ADH7: variants seen among roughly 807,000 people sequenced by gnomAD.
ADH7 encodes alcohol dehydrogenase 7 (class IV), mu or sigma polypeptide, also known as all-trans-retinol dehydrogenase [NAD(+)] ADH7.
Under a neutral mutation model 34.4 loss-of-function variants are expected in ADH7, and 41 were observed. The observed-to-expected ratio is 1.19, with a 90% confidence interval of 0.93 to 1.55. The LOEUF (loss-of-function observed/expected upper bound fraction) is 1.55, where lower values mean the gene tolerates loss of function less well. Ranked by LOEUF, ADH7 falls within the 40% of genes most tolerant of loss-of-function variation. The pLI is 0.00. For synonymous variants in ADH7, 180 were observed against 160.9 expected (o/e 1.12, Z -0.90); for missense variants, 540 against 461.2 (o/e 1.17, Z -1.56).
At chr4:99,425,088 C>T (rs914761380) in intron 5 of ADH7, among the ~76,000 whole-genome samples, 3 of 151,966 alleles carry the variant, frequency 2.0e-5, no homozygotes, top group Non-Finnish European at 1.5e-5. Context: ...ACAACCGGTA[C>T]CAGCTGCTGC....
chr4:99,424,182 T>C (rs1252746070), intron 5 of ADH7, among the ~76,000 whole-genome samples: 1 of 152,260 alleles, frequency 6.6e-6, no homozygotes, highest in Non-Finnish European at 1.5e-5. Context: ...AAAGATCAGA[T>C]AGTTGTAGAT....
At position 99,425,300 on chromosome 4, in the gene ADH7, G is replaced by A. The variant is rs1045110250; in HGVS notation, c.564+2473C>T. On this transcript the variant is annotated intron_variant, in intron 5 of 8. Transcript: ENST00000437033. ...AACAGTCGAGACCCATCAGTGTGCT[G>A]TATTCAGGAGACCCATCTCACGTGC... Among the ~76,000 whole-genome samples, 21 of 152,296 alleles carry A rather than the reference G, an allele frequency of 1.4e-4. 1 individual carries two copies. The highest frequency in any genetic ancestry group is 2.4e-4 in the African/African-American group (10 of 41,574).
intron 7 of ADH7, among the ~76,000 whole-genome samples, chr4:99,416,420 T>C (rs942089431): frequency 6.6e-6 from 1 of 152,138 alleles, no homozygotes; most frequent in African/African-American, 2.4e-5. Flanking sequence ...CATTTCTCAG[T>C]CCTCCTCTTA....
intron 1 of ADH7, among the ~76,000 whole-genome samples, chr4:99,434,531 T>C (rs1017463547): frequency 6.6e-6 from 1 of 152,062 alleles, no homozygotes; most frequent in Non-Finnish European, 1.5e-5. Flanking sequence ...TAAGCAATTA[T>C]GTACCCATTT....
intron 1 of ADH7, among the ~76,000 whole-genome samples, chr4:99,434,065 T>C (rs1194385029): frequency 6.6e-6 from 1 of 152,160 alleles, no homozygotes; most frequent in Non-Finnish European, 1.5e-5. Flanking sequence ...TTATACTCTT[T>C]ATATATTATA....
chr4:99,416,261 G>C (rs1721514103), intron 7 of ADH7, among the ~76,000 whole-genome samples: 1 of 152,064 alleles, frequency 6.6e-6, no homozygotes, highest in Admixed American at 6.5e-5. Flanking sequence ...TTTACAGAAA[G>C]AATTGTCTTC....
In ADH7 at chr4:99,435,329, C is replaced by T; in HGVS notation, c.-96G>A. On this transcript the variant is annotated 5_prime_UTR_variant, in exon 1 of 9. It removes the in-frame stop codon of an upstream open reading frame in the 5' UTR. Transcript: ENST00000437033. ...TGTATATAACAGCAGCTTGTGCCTT[C>T]ACATAGATAGTCTGGCTTCAGAGTT... is the stretch of plus-strand genomic sequence containing the variant. 1 of 1,537,836 alleles carries T rather than the reference C, an allele frequency of 6.5e-7. No individual in the cohort carries two copies. The highest frequency in any genetic ancestry group is 8.9e-7 in the Non-Finnish European group (1 of 1,118,596).
At chr4:99,434,986 C>T (rs1722014278) in intron 1 of ADH7, 1 of 1,432,282 alleles carries the variant, frequency 7.0e-7, no homozygotes, top group African/African-American at 1.4e-5. Flanking sequence ...CTATTTTCCA[C>T]CAATGTCTTG....
chr4:99,415,757 T>C (rs1192012631), intron 7 of ADH7, 141 bp from the exon 8 acceptor site: 1 of 867,454 alleles, frequency 1.2e-6, no homozygotes, highest in African/African-American at 1.7e-5. Context: ...ATAAGCTGTA[T>C]TTGTCCCAGC....
chr4:99,434,060 C>G (rs765080148), intron 1 of ADH7, among the ~76,000 whole-genome samples: 1 of 152,054 alleles, frequency 6.6e-6, no homozygotes, highest in East Asian at 1.9e-4. Context: ...AACTTTTATA[C>G]TCTTTATATA....
rs748360599 is a variant in ADH7 at position 99,420,677 on chromosome 4, GTCTTT to G, written c.676_680del (p.Lys226GlnfsTer3). ...CTACAGCCATGGCCTTCTCAAATTT[GTCTTT>G]GTTGAGGTCAATCCCAATGATCCTA... On this transcript the variant is annotated frameshift_variant, in exon 6 of 9. Coordinates refer to ENST00000437033, the MANE Select transcript of ADH7 (RefSeq NM_000673.7). LOFTEE classifies it high-confidence loss of function. The G allele has an allele frequency of 1.7e-5, 28 of 1,613,802 alleles. No homozygotes were observed. Among genetic ancestry groups the G allele is most frequent in the Non-Finnish European group, 2.2e-5 (26 of 1,179,932 alleles).
intron 5 of ADH7, among the ~76,000 whole-genome samples, chr4:99,425,680 G>A (rs926587865): frequency 5.3e-5 from 8 of 152,114 alleles, no homozygotes; most frequent in Admixed American, 2.6e-4. Context: ...GGATATCCAG[G>A]AATTGAACTC....
intron 5 of ADH7, among the ~76,000 whole-genome samples, chr4:99,424,566 T>C (rs1380852911): frequency 6.6e-6 from 1 of 152,168 alleles, no homozygotes; most frequent in Non-Finnish European, 1.5e-5. Context: ...GAGCAGTGGT[T>C]TGTAGTTCTC....
At chr4:99,415,706 T>C in intron 7 of ADH7, 90 bp from the exon 8 acceptor site, 1 of 1,344,570 alleles carries the variant, frequency 7.4e-7, no homozygotes. Flanking sequence ...TTTCCTGCAC[T>C]ATGACTTTCC....
chr4:99,429,584 G>A lies in ADH7; in HGVS notation c.68C>T (p.Ser23Phe), dbSNP rs1721894040. ...TGGGGCAACTTCTATTTCCTCAATGGAGAAGGGTTGCTTCTGCTCCCAAAG... is the reference window on the plus strand; with the variant it reads ...TGGGGCAACTTCTATTTCCTCAATGAAGAAGGGTTGCTTCTGCTCCCAAAG... The part of the protein sequence containing the change: ...AVLWEQKQPF[S>F]IEEIEVAPPK... The change falls in exon 2 of 9, where the codon TCC becomes TTC. Residue 23 changes from serine to phenylalanine, a missense_variant. Transcript: ENST00000437033. The A allele has an allele frequency of 1.4e-5, 22 of 1,612,354 alleles. No individual in the cohort carries two copies. The highest frequency in any genetic ancestry group is 1.6e-4 in the Middle Eastern group (1 of 6,062).
chr4:99,419,388 T>A (rs1360187728), intron 6 of ADH7, among the ~76,000 whole-genome samples: 9 of 152,224 alleles, frequency 5.9e-5, no homozygotes, highest in Non-Finnish European at 1.0e-4. Context: ...GGGAAATTCT[T>A]GTGATATTTT....
In ADH7 at chr4:99,418,988, C is replaced by G. The variant is rs1481909084; in HGVS notation, c.959G>C (p.Gly320Ala). Residue 320 changes from glycine (G) to alanine (A), a missense_variant and splice_region_variant, in exon 7 of 9, where the codon GGA becomes GCA. By Grantham distance (60) the Gly-to-Ala change is moderately conservative. Transcript: ENST00000437033. ...TCCAGAGGCTTTGCTTTCCTGACCT[C>G]CAAAGACACATCCCTTCCATGTGCG... The part of the protein sequence containing the change: ...TGRTWKGCVF[G>A]GLKSRDDVPK... 1 of 1,613,572 alleles carries G rather than the reference C, an allele frequency of 6.2e-7. No homozygotes were observed. Among genetic ancestry groups the G allele is most frequent in the Non-Finnish European group, 8.5e-7 (1 of 1,179,690 alleles).
rs533551657 is a variant in ADH7, at chr4:99,425,925, A to G, written c.564+1848T>C. On this transcript the variant is annotated intron_variant, in intron 5 of 8. Coordinates refer to ENST00000437033, the MANE Select transcript of ADH7 (RefSeq NM_000673.7). ...GAAACTCACTCAAAACCGCTCAACT[A>G]CATGGAAACTGAACAACCTGCTCCT... Among the ~76,000 whole-genome samples, 36 of 152,268 alleles carry G rather than the reference A, an allele frequency of 2.4e-4. No homozygotes were observed. The South Asian group carries it at 7.3e-3, about 31-fold the overall frequency.
intron 1 of ADH7, among the ~76,000 whole-genome samples, chr4:99,429,917 T>A (rs1389947082): frequency 1.3e-5 from 2 of 152,158 alleles, no homozygotes; most frequent in Admixed American, 1.3e-4. Context: ...AACTTATTGA[T>A]TTTTGTTTGC....
Sources: allele counts gnomAD v4.1 joint callset (sites outside exome capture counted in the v4.1 genomes callset), GRCh38; gene constraint gnomAD v4.1.1; transcripts MANE v1.5; gene names NCBI Gene and HGNC (gene_info 2026-07-23, HGNC 2026-07-21).